NUP107: variants seen among roughly 807,000 people sequenced by gnomAD.
The protein encoded by NUP107 is nuclear pore complex protein Nup107.
A neutral mutation model predicts 141.0 loss-of-function variants in NUP107; 101 were observed. The observed-to-expected ratio is 0.72, with a 90% CI of 0.61 to 0.84. The LOEUF (loss-of-function observed/expected upper bound fraction) is 0.84. Ranked by LOEUF, NUP107 falls within the 40% of genes least tolerant of loss-of-function variation. The pLI, the probability that NUP107 is intolerant of heterozygous loss-of-function variation, is 0.00. For missense variants in NUP107, 941 were observed against 1,102.7 expected (o/e 0.85, Z 2.08); for synonymous variants, 319 against 363.9 (o/e 0.88, Z 1.41).
chr12:68,734,632 T>G (rs2136048054), intron 24 of NUP107, 76 bp from the exon 25 acceptor site: 1 of 1,137,094 alleles, frequency 8.8e-7, no homozygotes, highest in South Asian at 1.7e-5. Context: ...GAATCAAATG[T>G]TAAAAATGTT....
In NUP107 at chr12:68,721,859, A is replaced by G; in HGVS notation, c.1330A>G (p.Thr444Ala). 3 of 1,613,628 alleles carry G rather than the reference A, an allele frequency of 1.9e-6. No homozygotes were observed. The highest frequency in any genetic ancestry group is 1.1e-5 in the South Asian group (1 of 90,958). The change falls in exon 16 of 28, where the codon ACC (threonine) becomes GCC (alanine). Residue 444 changes from threonine to alanine, a missense_variant. Transcript: ENST00000229179. ...NLKQLLPVCDTWEDTVWAYFR... is the reference protein window; with the variant it reads ...NLKQLLPVCDAWEDTVWAYFR... Reference sequence around the variant, plus strand: ...GAAAAAGCTGCTTCCTGTCTGTGACACCTGGGAAGACACAGTTTGGGCCTA... The same window carrying G: ...GAAAAAGCTGCTTCCTGTCTGTGACGCCTGGGAAGACACAGTTTGGGCCTA...
chr12:68,702,285 G>A (rs1303013202), intron 7 of NUP107, among the ~76,000 whole-genome samples: 1 of 151,430 alleles, frequency 6.6e-6, no homozygotes, highest in Non-Finnish European at 1.5e-5. Flanking sequence ...CACCGTACCT[G>A]GCCTAATTTT....
chr12:68,708,849 C>T (rs2136016872), intron 8 of NUP107, among the ~76,000 whole-genome samples: 1 of 152,242 alleles, frequency 6.6e-6, no homozygotes, highest in East Asian at 1.9e-4. Flanking sequence ...GAACTCCTGA[C>T]CTCAAGTGAT....
At position 68,709,264 on chromosome 12, in the gene NUP107, T is replaced by C; in HGVS notation, c.756T>C (p.Val252=). The C allele has an allele frequency of 5.0e-6, 8 of 1,604,032 alleles. No homozygotes were observed. The highest frequency in any genetic ancestry group is 6.8e-6 in the Non-Finnish European group (8 of 1,176,648). ...VTAVNASEKT[V]VEALFQRDSL... is the part of the protein sequence containing the mutation. Reference sequence around the variant, plus strand: ...CTGTTAATGCCAGTGAAAAAACAGTTGTGGAAGCGTTATTTCAGAGGGATT... The same window carrying C: ...CTGTTAATGCCAGTGAAAAAACAGTCGTGGAAGCGTTATTTCAGAGGGATT... Residue 252 remains valine (V), a synonymous_variant, in exon 9 of 28, where the codon GTT becomes GTC. Transcript: ENST00000229179.
chr12:68,721,803 A>G, intron 15 of NUP107, 38 bp from the exon 16 acceptor site: 3 of 1,590,022 alleles, frequency 1.9e-6, no homozygotes, highest in Non-Finnish European at 1.7e-6. Context: ...TTTCTGTTGA[A>G]TATGTCTATA....
intron 23 of NUP107, among the ~76,000 whole-genome samples, chr12:68,733,076 A>T (rs531937937): frequency 6.6e-6 from 1 of 151,972 alleles, no homozygotes; most frequent in African/African-American, 2.4e-5. Context: ...TTCCATAGGG[A>T]GGAGAAAACC....
intron 10 of NUP107, among the ~76,000 whole-genome samples, chr12:68,711,034 A>G (rs1876828980): frequency 6.6e-6 from 1 of 151,992 alleles, no homozygotes; most frequent in Admixed American, 6.6e-5. Flanking sequence ...AGGCGGGTGG[A>G]TCACGAAGTC....
At chr12:68,705,875 A>T in intron 8 of NUP107, 1 of 820,294 alleles carries the variant, frequency 1.2e-6, no homozygotes, top group Non-Finnish European at 2.2e-6. Flanking sequence ...CTGGAGGTGG[A>T]CCCCAACATC....
intron 20 of NUP107, among the ~76,000 whole-genome samples, chr12:68,730,026 A>C (rs534000376): frequency 5.0e-4 from 76 of 151,744 alleles, no homozygotes; most frequent in Middle Eastern, 3.4e-3. Flanking sequence ...CACTGGCTAG[A>C]TCATAGCCCA....
intron 2 of NUP107, 88 bp from the exon 3 acceptor site, chr12:68,689,445 C>A: frequency 2.6e-6 from 2 of 756,044 alleles, no homozygotes; most frequent in South Asian, 1.8e-5. Context: ...AAAATGTATT[C>A]ACATAATTTG....
At chr12:68,730,213 C>CT (rs1877758580) in intron 20 of NUP107, among the ~76,000 whole-genome samples, 4 of 61,316 alleles carry the variant, frequency 6.5e-5, no homozygotes, top group Non-Finnish European at 1.2e-4. Flanking sequence ...GGTGATACTA[C>CT]CTTTTTTTTT....
In NUP107 at chr12:68,741,795, A is replaced by G; in HGVS notation, c.2503-18A>G. The G allele has an allele frequency of 6.2e-7, 1 of 1,601,590 alleles. No homozygotes were observed. Among genetic ancestry groups the G allele is most frequent in the Non-Finnish European group, 8.5e-7 (1 of 1,173,682 alleles). ...TTAGCTTAAATTGTTAAAATGATTT[A>G]TTGATGTCTGTTTGTAGGATGCCAA... On this transcript the variant is annotated intron_variant, in intron 26 of 27. Transcript: ENST00000229179.
At chr12:68,729,665 AT>A (rs1877729049) in intron 20 of NUP107, among the ~76,000 whole-genome samples, 1 of 152,010 alleles carries the variant, frequency 6.6e-6, no homozygotes, top group Non-Finnish European at 1.5e-5. Context: ...CTGGTCTCAA[AT>A]TCCTGACCTC....
At chr12:68,706,373 TC>T in intron 8 of NUP107, 2 of 1,357,662 alleles carry the variant, frequency 1.5e-6, no homozygotes, top group Non-Finnish European at 2.1e-6. Flanking sequence ...TGTGGTGCTG[TC>T]CATTGACAAC....
chr12:68,687,162 A>C (rs767079520), intron 1 of NUP107, 89 bp downstream of exon 1: 397 of 1,573,988 alleles, frequency 2.5e-4, no homozygotes, highest in Non-Finnish European at 3.1e-4. Flanking sequence ...CTCCCAGAAG[A>C]AGCCAAGGAG....
chr12:68,717,404 TG>T (rs1235897936), intron 12 of NUP107, among the ~76,000 whole-genome samples: 1 of 152,144 alleles, frequency 6.6e-6, no homozygotes, highest in Non-Finnish European at 1.5e-5. Flanking sequence ...AATAGCAATT[TG>T]AGATAAAATT....
intron 8 of NUP107, chr12:68,705,553 G>C: frequency 2.2e-5 from 3 of 135,162 alleles, no homozygotes; most frequent in Non-Finnish European, 3.2e-5. Context: ...AAAAAAAAAA[G>C]AATCACCAAG....
At chr12:68,712,173 G>A (rs1295042909) in intron 10 of NUP107, among the ~76,000 whole-genome samples, 1 of 152,042 alleles carries the variant, frequency 6.6e-6, no homozygotes, top group African/African-American at 2.4e-5. Flanking sequence ...TTTAAGACTT[G>A]CAAAAGATTT....
At position 68,691,240 on chromosome 12, in the gene NUP107, T is replaced by C. The variant is rs528554876; in HGVS notation, c.303+494T>C. Among the ~76,000 whole-genome samples, 219 of 152,316 alleles carry C rather than the reference T, an allele frequency of 1.4e-3. 1 individual carries two copies. The highest frequency in any genetic ancestry group is 5.0e-3 in the African/African-American group (208 of 41,594). ...TGGAAACTGTGACACCAGCAACCTT[T>C]AGATGAAAATAAGATGTTTTAATCT... On this transcript the variant is annotated intron_variant, in intron 4 of 27. Coordinates refer to ENST00000229179, the MANE Select transcript of NUP107 (RefSeq NM_020401.4).
Sources: allele counts gnomAD v4.1 joint callset (sites outside exome capture counted in the v4.1 genomes callset), GRCh38; gene constraint gnomAD v4.1.1; transcripts MANE v1.5; gene names NCBI Gene and HGNC (gene_info 2026-07-23, HGNC 2026-07-21).